Variants in CYSLTR2 observed in about 807,000 individuals in gnomAD.
CYSLTR2 encodes cysteinyl leukotriene receptor 2.
For missense variants in CYSLTR2, 398 were observed against 411.9 expected (o/e 0.97, Z 0.29); for synonymous variants, 179 against 160.8 (o/e 1.11, Z -0.86).
At position 48,706,947 on chromosome 13, in the gene CYSLTR2, G is replaced by T. The variant is rs1230049799; in HGVS notation, c.130G>T (p.Val44Leu). ...ENFKREFFPI[V>L]YLIIFFWGVL... ...CTTCAAGAGAGAATTTTTCCCAATT[G>T]TATATCTGATAATATTTTTCTGGGG... Residue 44 changes from valine to leucine, a missense_variant, in exon 5 of 5, where the codon GTA becomes TTA. Val to Leu is a conservative substitution (Grantham distance 32). Coordinates refer to ENST00000682523, the MANE Select transcript of CYSLTR2 (RefSeq NM_001308476.3). 5.0e-6 allele frequency: 8 copies of T among 1,614,160 alleles called. No individual in the cohort carries two copies. The highest frequency in any genetic ancestry group is 6.8e-6 in the Non-Finnish European group (8 of 1,180,024).
intron 1 of CYSLTR2, among the ~76,000 whole-genome samples, chr13:48,687,553 TTATCTATCATC>T (rs1284447197): frequency 1.3e-5 from 2 of 152,186 alleles, no homozygotes; most frequent in Admixed American, 6.5e-5. Flanking sequence ...CATCTATCAA[TTATCTATCATC>T]TATCTATCAT....
chr13:48,704,729 GT>G (rs1453936870), intron 4 of CYSLTR2, among the ~76,000 whole-genome samples: 1 of 151,930 alleles, frequency 6.6e-6, no homozygotes, highest in Non-Finnish European at 1.5e-5. Flanking sequence ...GTGTTGTTTA[GT>G]TTTCAAGTGT....
chr13:48,706,184 C>T (rs551628812), intron 4 of CYSLTR2, among the ~76,000 whole-genome samples: 20 of 151,972 alleles, frequency 1.3e-4, no homozygotes, highest in South Asian at 1.2e-3. Context: ...TTAGTAGAGA[C>T]GGAGTTTCAC....
intron 4 of CYSLTR2, among the ~76,000 whole-genome samples, chr13:48,699,076 G>A (rs971472839): frequency 6.6e-6 from 1 of 152,168 alleles, no homozygotes; most frequent in Non-Finnish European, 1.5e-5. Context: ...AATAATGGGA[G>A]ACTTTAACAC....
intron 4 of CYSLTR2, 59 bp from the exon 5 acceptor site, chr13:48,706,758 A>G: frequency 7.3e-7 from 1 of 1,370,354 alleles, no homozygotes; most frequent in South Asian, 1.4e-5. Flanking sequence ...ATCAGTAAGC[A>G]AGAAGGAAAA....
At position 48,653,974 on chromosome 13, in the gene CYSLTR2, AG is replaced by A. The variant is rs1952935336; in HGVS notation, c.-308del. 1 of 152,224 alleles carries A rather than the reference AG, an allele frequency of 6.6e-6. No individual in the cohort carries two copies. Among genetic ancestry groups the A allele is most frequent in the Non-Finnish European group, 1.5e-5 (1 of 68,042 alleles). The allele number at this position is 152,224 out of a possible 1,614,324, so 9.4% of individuals were successfully genotyped here. On this transcript the variant is annotated 5_prime_UTR_variant, in exon 1 of 5. The change abolishes the stop of an existing upstream ORF in the 5' untranslated region. Transcript: ENST00000682523. Reference sequence around the variant, plus strand: ...CTCGGAGGAGAAAGGCAGGAGAGATAGAGGCAGCAGAAGCCAGGGCAGCTGA... The same window carrying A: ...CTCGGAGGAGAAAGGCAGGAGAGATAAGGCAGCAGAAGCCAGGGCAGCTGA...
Position 48,698,149 on chromosome 13 carries a change from G to C in CYSLTR2, c.-2+1523G>C, listed in dbSNP as rs577870572. ...CAACCTAGCGAGGCAGGCCAACATT[G>C]AAATTCAGGAAATACAGAGAACACC... On this transcript the variant is annotated intron_variant, in intron 4 of 4. Coordinates refer to ENST00000682523, the MANE Select transcript of CYSLTR2 (RefSeq NM_001308476.3). Among the ~76,000 whole-genome samples, 4 of 152,224 alleles carry C rather than the reference G, an allele frequency of 2.6e-5. No individual in the cohort carries two copies. The South Asian group carries it at 8.3e-4, about 32-fold the overall frequency.
At chr13:48,698,480 T>G (rs1029817562) in intron 4 of CYSLTR2, among the ~76,000 whole-genome samples, 6 of 152,198 alleles carry the variant, frequency 3.9e-5, no homozygotes, top group Non-Finnish European at 7.3e-5. Context: ...CTGAGAGATT[T>G]TGTCACCACC....
chr13:48,670,209 T>G (rs1033541940), intron 1 of CYSLTR2, among the ~76,000 whole-genome samples: 1 of 152,224 alleles, frequency 6.6e-6, no homozygotes, highest in African/African-American at 2.4e-5. Context: ...TGCAAAAATT[T>G]TCTCCCATTC....
chr13:48,702,817 A>G (rs769496677), intron 4 of CYSLTR2, among the ~76,000 whole-genome samples: 2 of 152,188 alleles, frequency 1.3e-5, no homozygotes, highest in African/African-American at 2.4e-5. Flanking sequence ...AATCCTATCT[A>G]TATCTACAAA....
intron 2 of CYSLTR2, among the ~76,000 whole-genome samples, chr13:48,691,663 G>A (rs1294991452): frequency 6.6e-6 from 1 of 151,986 alleles, no homozygotes; most frequent in Non-Finnish European, 1.5e-5. Flanking sequence ...CCTAGTGTTT[G>A]TTCAGACTTC....
intron 1 of CYSLTR2, among the ~76,000 whole-genome samples, chr13:48,656,117 G>A (rs911264119): frequency 1.3e-5 from 2 of 152,166 alleles, no homozygotes; most frequent in African/African-American, 4.8e-5. Context: ...TGTCTGGTTG[G>A]TGGTAAAGTT....
At chr13:48,659,292 G>T (rs1953071327) in intron 1 of CYSLTR2, among the ~76,000 whole-genome samples, 1 of 152,164 alleles carries the variant, frequency 6.6e-6, no homozygotes, top group African/African-American at 2.4e-5. Context: ...CTGCATCCCT[G>T]GCTGTCACCT....
intron 1 of CYSLTR2, among the ~76,000 whole-genome samples, chr13:48,666,378 A>T (rs1326383397): frequency 6.6e-6 from 1 of 151,908 alleles, no homozygotes; most frequent in East Asian, 1.9e-4. Context: ...TGACTTGGGG[A>T]GGATCTTTTT....
In CYSLTR2 at chr13:48,709,378, C is replaced by T. The variant is rs950417428; in HGVS notation, c.*1520C>T. On this transcript the variant is annotated 3_prime_UTR_variant, in exon 5 of 5. Coordinates refer to ENST00000682523, the MANE Select transcript of CYSLTR2 (RefSeq NM_001308476.3). ...CATACTAAACAAAAATCCCAGTACC[C>T]TTTCCTTATTTAGCTACCAGAATGA... 1 of 167,020 alleles carries T rather than the reference C, an allele frequency of 6.0e-6. No individual in the cohort carries two copies. Among genetic ancestry groups the T allele is most frequent in the Admixed American group, 6.5e-5 (1 of 15,268 alleles). 10.3% of individuals were successfully genotyped at this position (167,020 alleles called of 1,614,324 possible). A position where few individuals can be genotyped will look rare whatever the true frequency, so the allele number is the denominator to read the frequency against.
At chr13:48,693,578 G>C (rs766167842) in intron 3 of CYSLTR2, 68 bp downstream of exon 3, 1 of 148,508 alleles carries the variant, frequency 6.7e-6, no homozygotes, top group Non-Finnish European at 1.5e-5. Context: ...GGGAAAAAAA[G>C]AAAGAAAAGG....
intron 1 of CYSLTR2, among the ~76,000 whole-genome samples, chr13:48,683,737 T>C (rs1216457999): frequency 6.6e-6 from 1 of 152,238 alleles, no homozygotes; most frequent in Non-Finnish European, 1.5e-5. Context: ...TTAAGTTTAA[T>C]TACATCCTAT....
chr13:48,667,444 G>A (rs549324416), intron 1 of CYSLTR2, among the ~76,000 whole-genome samples: 16 of 152,314 alleles, frequency 1.1e-4, no homozygotes, highest in Non-Finnish European at 2.1e-4. Context: ...TCAGGATGCA[G>A]GTACATAGCT....
chr13:48,681,274 C>T (rs1953748697), intron 1 of CYSLTR2, among the ~76,000 whole-genome samples: 1 of 152,182 alleles, frequency 6.6e-6, no homozygotes, highest in Non-Finnish European at 1.5e-5. Context: ...TGCCTCAATT[C>T]TAACATTAAA....
Sources: gnomAD v4.1 joint callset for allele counts (sites outside exome capture counted in the v4.1 genomes callset) on GRCh38, gnomAD v4.1.1 for gene constraint, MANE v1.5 for transcripts, NCBI Gene and HGNC (gene_info 2026-07-23, HGNC 2026-07-21) for gene names.